The following CPNE4 variants were observed in gnomAD, a reference collection of about 807,000 sequenced individuals.
CPNE4 encodes the protein copine-4.
CPNE4 carries 25 observed loss-of-function variants against 67.9 expected under a neutral mutation model. The ratio of observed to expected loss-of-function variants is 0.37; its 90% CI spans 0.27 to 0.51. CPNE4 has a LOEUF of 0.51. CPNE4 is among the 20% of genes least tolerant of loss of function. The probability of loss-of-function intolerance (pLI) is 0.93; values close to 1 mark genes in which losing one functional copy is unlikely to be tolerated. For missense variants in CPNE4, 464 were observed against 690.8 expected (o/e 0.67, Z 3.68); for synonymous variants, 242 against 244.9 (o/e 0.99, Z 0.11).
At chr3:131,555,667 G>A (rs1936421882) in intron 11 of CPNE4, 116 bp from the exon 12 acceptor site, 2 of 775,860 alleles carry the variant, frequency 2.6e-6, no homozygotes, top group Non-Finnish European at 4.4e-6. Context: ...CTATGCCAGT[G>A]CTGACTCATG....
chr3:131,739,010 A>G (rs771342248), intron 2 of CPNE4, among the ~76,000 whole-genome samples: 1 of 152,014 alleles, frequency 6.6e-6, no homozygotes, highest in Non-Finnish European at 1.5e-5. Flanking sequence ...GCCTGCCACC[A>G]CACAGGGCTA....
intron 1 of CPNE4, among the ~76,000 whole-genome samples, chr3:132,005,342 TACACACACAC>T (rs71639016): frequency 0.071 from 5,913 of 83,786 alleles, 257 homozygotes; most frequent in Non-Finnish European, 0.083. Context: ...TATATATATA[TACACACACAC>T]ACACACACAC....
intron 2 of CPNE4, among the ~76,000 whole-genome samples, chr3:131,798,053 T>C (rs574131156): frequency 1.3e-5 from 2 of 152,322 alleles, no homozygotes; most frequent in African/African-American, 4.8e-5. Flanking sequence ...TTCTTTCTTA[T>C]AAGGGCACCA....
At chr3:131,737,521 C>T (rs1210045944) in intron 2 of CPNE4, among the ~76,000 whole-genome samples, 3 of 152,126 alleles carry the variant, frequency 2.0e-5, no homozygotes, top group Non-Finnish European at 4.4e-5. Context: ...ATCACACTAT[C>T]ATCACTGTCA....
chr3:131,644,297 G>A (rs1104599), intron 7 of CPNE4, among the ~76,000 whole-genome samples: 20,272 of 151,872 alleles, frequency 0.13, 1,526 homozygotes, highest in African/African-American at 0.2. Flanking sequence ...ACAGGTGCCC[G>A]CCACCATGCC....
At chr3:131,730,377 TAAAAC>T (rs1305968103) in intron 2 of CPNE4, among the ~76,000 whole-genome samples, 1 of 152,188 alleles carries the variant, frequency 6.6e-6, no homozygotes. Context: ...AATGATAAAA[TAAAAC>T]TGTGTATCAG....
intron 1 of CPNE4, among the ~76,000 whole-genome samples, chr3:131,972,124 A>G (rs945239704): frequency 3.1e-4 from 25 of 81,330 alleles, no homozygotes; most frequent in Admixed American, 1.1e-4. Flanking sequence ...AGAGAGAGGG[A>G]AAAAAAAAGA....
intron 1 of CPNE4, among the ~76,000 whole-genome samples, chr3:131,955,682 C>T (rs538068631): frequency 2.6e-5 from 4 of 152,172 alleles, no homozygotes; most frequent in Non-Finnish European, 5.9e-5. Flanking sequence ...TGTCCCTCCG[C>T]AGTGCCGTTT....
chr3:132,020,427 A>G (rs2073969250), intron 1 of CPNE4, among the ~76,000 whole-genome samples: 2 of 152,044 alleles, frequency 1.3e-5, no homozygotes, highest in Admixed American at 6.5e-5. Context: ...TGATAACCCC[A>G]TGGTCAAATC....
intron 2 of CPNE4, among the ~76,000 whole-genome samples, chr3:131,840,205 T>A (rs541707643): frequency 6.6e-6 from 1 of 152,220 alleles, no homozygotes; most frequent in Non-Finnish European, 1.5e-5. Flanking sequence ...TCCTCTATAA[T>A]TTTCTCAATT....
intron 3 of CPNE4, among the ~76,000 whole-genome samples, chr3:131,701,131 T>A (rs2081290086): frequency 6.8e-6 from 1 of 147,508 alleles, no homozygotes; most frequent in African/African-American, 2.5e-5. Context: ...CATTAGGAGA[T>A]ATACCTAATG....
At chr3:132,010,455 TTTC>T (rs2073730404) in intron 1 of CPNE4, among the ~76,000 whole-genome samples, 1 of 152,174 alleles carries the variant, frequency 6.6e-6, no homozygotes, top group Non-Finnish European at 1.5e-5. Context: ...TCGTGGCCTC[TTTC>T]TTTAGAGGGT....
intron 1 of CPNE4, among the ~76,000 whole-genome samples, chr3:131,967,740 A>C (rs1424377118): frequency 2.6e-5 from 4 of 152,264 alleles, no homozygotes; most frequent in African/African-American, 9.6e-5. Flanking sequence ...TTCCATGCTC[A>C]TAGACCGGAA....
chr3:131,632,658 A>C (rs1158180026), intron 7 of CPNE4, among the ~76,000 whole-genome samples: 2 of 152,112 alleles, frequency 1.3e-5, no homozygotes, highest in Admixed American at 1.3e-4. Context: ...GTATTACTAG[A>C]CACACACCTT....
intron 2 of CPNE4, among the ~76,000 whole-genome samples, chr3:131,853,806 T>G (rs1385515188): frequency 6.6e-6 from 1 of 151,782 alleles, no homozygotes; most frequent in Non-Finnish European, 1.5e-5. Flanking sequence ...CCAACATTAT[T>G]TAGTCATCAA....
intron 2 of CPNE4, among the ~76,000 whole-genome samples, chr3:131,732,603 G>C (rs909380520): frequency 2.0e-5 from 3 of 152,174 alleles, no homozygotes; most frequent in Admixed American, 2.0e-4. Flanking sequence ...TGCCACCGCT[G>C]TCTGCCCACC....
At chr3:131,767,540 G>A (rs956345219) in intron 2 of CPNE4, among the ~76,000 whole-genome samples, 1 of 152,042 alleles carries the variant, frequency 6.6e-6, no homozygotes, top group African/African-American at 2.4e-5. Context: ...TGAGAGGCTG[G>A]GGAAATAATG....
At chr3:131,951,700 C>T (rs1225013) in intron 1 of CPNE4, among the ~76,000 whole-genome samples, 109,725 of 152,092 alleles carry the variant, frequency 0.72, 39,771 homozygotes, top group Admixed American at 0.82. Context: ...GTGCCTGCGA[C>T]TGCAAGCGCG....
intron 2 of CPNE4, among the ~76,000 whole-genome samples, chr3:131,747,698 T>C (rs528029127): frequency 1.5e-4 from 23 of 152,288 alleles, no homozygotes; most frequent in African/African-American, 4.6e-4. Flanking sequence ...CGTTGGTGTA[T>C]AGAAATGCAA....
Sources: allele counts gnomAD v4.1 joint callset (sites outside exome capture counted in the v4.1 genomes callset), GRCh38; gene constraint gnomAD v4.1.1; transcripts MANE v1.5; gene names NCBI Gene and HGNC (gene_info 2026-07-23, HGNC 2026-07-21).